The following CPA6 variants were observed in gnomAD, a reference collection of about 807,000 sequenced individuals.
CPA6 encodes the protein carboxypeptidase A6.
A neutral mutation model predicts 63.3 loss-of-function variants in CPA6; 58 were observed. The observed-to-expected ratio is 0.92, with a 90% CI of 0.74 to 1.14. The LOEUF (loss-of-function observed/expected upper bound fraction) is 1.14. Ranked by LOEUF, CPA6 falls within the 50% of genes most tolerant of loss-of-function variation. The pLI, the probability that CPA6 is intolerant of heterozygous loss-of-function variation, is 0.00. For synonymous variants in CPA6, 185 were observed against 179.0 expected, an observed-to-expected ratio of 1.03 and a Z score of -0.27; for missense variants, 565 against 526.6, an observed-to-expected ratio of 1.07 and a Z score of -0.71.
chr8:67,674,736 A>G (rs11984685), intron 1 of CPA6, among the ~76,000 whole-genome samples: 35,755 of 152,088 alleles, frequency 0.24, 4,343 homozygotes, highest in South Asian at 0.35. Context: ...GTTTGTCGCA[A>G]TGCAATTTAC....
chr8:67,526,022 A>T (rs1587522945), intron 2 of CPA6, among the ~76,000 whole-genome samples: 1 of 151,970 alleles, frequency 6.6e-6, no homozygotes, highest in South Asian at 2.1e-4. Flanking sequence ...AATTTATGCA[A>T]CCCCCTTCCC....
intron 2 of CPA6, among the ~76,000 whole-genome samples, chr8:67,601,796 A>T (rs1564018801): frequency 6.6e-6 from 1 of 151,942 alleles, no homozygotes; most frequent in Non-Finnish European, 1.5e-5. Context: ...AACTGACAAA[A>T]CCTCTATGGA....
chr8:67,432,579 C>A (rs923800591), intron 9 of CPA6, among the ~76,000 whole-genome samples: 10 of 152,126 alleles, frequency 6.6e-5, no homozygotes, highest in African/African-American at 2.2e-4. Flanking sequence ...CCTGTTCCAG[C>A]CTCCTGAGTA....
chr8:67,599,429 C>T (rs73692547), intron 2 of CPA6, among the ~76,000 whole-genome samples: 5,091 of 152,242 alleles, frequency 0.033, 125 homozygotes, highest in African/African-American at 0.068. Flanking sequence ...AAGAATCCTC[C>T]TCCCTGGGGT....
chr8:67,450,211 C>T (rs1810524902), intron 8 of CPA6, among the ~76,000 whole-genome samples: 1 of 152,152 alleles, frequency 6.6e-6, no homozygotes, highest in Non-Finnish European at 1.5e-5. Context: ...CAATGTACTA[C>T]ATAAACATAG....
At chr8:67,448,664 G>GAAAAAAAAAAAAAAAAAAAAAA (rs1810487222) in intron 8 of CPA6, among the ~76,000 whole-genome samples, 1 of 66,470 alleles carries the variant, frequency 1.5e-5, no homozygotes, top group African/African-American at 8.4e-5. Context: ...AGGAAAGAAC[G>GAAAAAAAAAAAAAAAAAAAAAA]AAAAAGAAAA....
intron 8 of CPA6, among the ~76,000 whole-genome samples, chr8:67,456,181 G>T (rs547840501): frequency 6.6e-6 from 1 of 152,242 alleles, no homozygotes; most frequent in East Asian, 1.9e-4. Context: ...ATTGATTTCT[G>T]GTTTTGTTGT....
intron 6 of CPA6, among the ~76,000 whole-genome samples, chr8:67,504,468 T>C (rs896083575): frequency 2.0e-5 from 3 of 152,178 alleles, no homozygotes; most frequent in African/African-American, 4.8e-5. Context: ...GGTTTCCATC[T>C]GGGGCCTGTT....
At chr8:67,615,811 A>G (rs1209520368) in intron 2 of CPA6, among the ~76,000 whole-genome samples, 1 of 152,248 alleles carries the variant, frequency 6.6e-6, no homozygotes, top group Non-Finnish European at 1.5e-5. Context: ...AGTGAGGGTC[A>G]AATAACTCAA....
chr8:67,624,067 G>A, intron 2 of CPA6, 109 bp downstream of exon 2: 2 of 670,720 alleles, frequency 3.0e-6, no homozygotes. Flanking sequence ...TATCTCCTTA[G>A]CCTTTACTTT....
chr8:67,734,895 C>T (rs1240415084), intron 1 of CPA6, among the ~76,000 whole-genome samples: 1 of 152,180 alleles, frequency 6.6e-6, no homozygotes. Context: ...AAGATAAAGA[C>T]ATTCTTAAAG....
intron 1 of CPA6, among the ~76,000 whole-genome samples, chr8:67,701,593 A>G (rs1010798994): frequency 3.3e-5 from 5 of 152,206 alleles, no homozygotes; most frequent in Admixed American, 2.0e-4. Context: ...GCTAAACTGC[A>G]TCTAACCTGA....
chr8:67,603,014 A>T (rs1814536150), intron 2 of CPA6, among the ~76,000 whole-genome samples: 1 of 152,202 alleles, frequency 6.6e-6, no homozygotes, highest in Non-Finnish European at 1.5e-5. Flanking sequence ...CCCAAAAGCC[A>T]ATGGTCTCAT....
At chr8:67,660,457 A>G (rs1288150859) in intron 1 of CPA6, among the ~76,000 whole-genome samples, 2 of 147,958 alleles carry the variant, frequency 1.4e-5, no homozygotes, top group African/African-American at 2.5e-5. Flanking sequence ...AGGCTCCTGA[A>G]TAGCTGAGAC....
At position 67,484,730 on chromosome 8, in the gene CPA6, G is replaced by C; in HGVS notation, c.696C>G (p.Phe232Leu). ...AMRKMLNHLY[F>L]YIMPVFNVDG... is the part of the protein sequence containing the mutation. ...CGACGTTAAACACAGGCATGATATA[G>C]AAATATAGATGATTCAACATTTTTC... The change falls in exon 7 of 11, where the codon TTC becomes TTG. Residue 232 changes from phenylalanine (F) to leucine (L), a missense_variant. Transcript: ENST00000297770. The C allele has an allele frequency of 6.2e-7, 1 of 1,610,952 alleles. No individual in the cohort carries two copies. Among genetic ancestry groups the C allele is most frequent in the South Asian group, 1.1e-5 (1 of 90,930 alleles).
chr8:67,620,721 G>A (rs1010410037), intron 2 of CPA6, among the ~76,000 whole-genome samples: 11 of 152,150 alleles, frequency 7.2e-5, no homozygotes, highest in African/African-American at 2.7e-4. Context: ...TCAAGGTAAC[G>A]CAATGCTTTT....
chr8:67,608,464 C>T lies in CPA6; in HGVS notation c.192+15712G>A, dbSNP rs576508909. On this transcript the variant is annotated intron_variant, in intron 2 of 10. Transcript: ENST00000297770. ...ACTCCAGGGGAAGATCATCTTCCCG[C>T]TCCGTTCACTTTCCAGCTCCCCATC... Among the ~76,000 whole-genome samples, 6 of 152,318 alleles carry T rather than the reference C, an allele frequency of 3.9e-5. No individual in the cohort carries two copies. The South Asian group carries it at 1.2e-3, about 32-fold the overall frequency.
chr8:67,593,571 G>A (rs951788281), intron 2 of CPA6, among the ~76,000 whole-genome samples: 1 of 152,184 alleles, frequency 6.6e-6, no homozygotes, highest in Admixed American at 6.5e-5. Context: ...GGGTGCTCCT[G>A]TATTGGGTGC....
At chr8:67,593,549 C>G (rs1814199617) in intron 2 of CPA6, among the ~76,000 whole-genome samples, 1 of 152,114 alleles carries the variant, frequency 6.6e-6, no homozygotes, top group Non-Finnish European at 1.5e-5. Context: ...TGAGGACTTA[C>G]TTTATGAATC....
Sources: gnomAD v4.1 joint callset for allele counts (sites outside exome capture counted in the v4.1 genomes callset) on GRCh38, gnomAD v4.1.1 for gene constraint, MANE v1.5 for transcripts, NCBI Gene and HGNC (gene_info 2026-07-23, HGNC 2026-07-21) for gene names.